The following BMPER variants were observed in gnomAD, a reference collection of about 807,000 sequenced individuals.
BMPER encodes BMP binding endothelial regulator, also known as BMP-binding endothelial regulator protein.
BMPER carries 45 observed loss-of-function variants against 87.3 expected under a neutral mutation model. The ratio of observed to expected loss-of-function variants is 0.52; its 90% confidence interval spans 0.41 to 0.66. The LOEUF (loss-of-function observed/expected upper bound fraction) is 0.66, where lower values mean the gene tolerates loss of function less well. Ranked by LOEUF, BMPER falls within the 30% of genes least tolerant of loss-of-function variation. The pLI, the probability that BMPER is intolerant of heterozygous loss-of-function variation, is 0.00. For synonymous variants in BMPER, 326 were observed against 316.2 expected (o/e 1.03, Z -0.33); for missense variants, 784 against 867.5 (o/e 0.90, Z 1.21).
At chr7:34,098,725 A>C (rs1789600194) in intron 13 of BMPER, among the ~76,000 whole-genome samples, 1 of 152,166 alleles carries the variant, frequency 6.6e-6, no homozygotes, top group Non-Finnish European at 1.5e-5. Context: ...CCATATGAAG[A>C]GGAAACCAGG....
chr7:34,129,615 AG>A (rs1790510412), intron 13 of BMPER, among the ~76,000 whole-genome samples: 6 of 95,698 alleles, frequency 6.3e-5, no homozygotes, highest in South Asian at 3.9e-4. Context: ...AGAGAAAGAG[AG>A]AGAGAGAGAA....
chr7:33,964,800 T>TC lies in BMPER; in HGVS notation c.320-1678dup, dbSNP rs547367206. On this transcript the variant is annotated intron_variant, in intron 3 of 14. Transcript: ENST00000649409. ...CTATTAGCAGCAAAAAATCACCCTT[T>TC]CTTTCAGTTTTTTAATTCAGATAAT... is the stretch of plus-strand genomic sequence containing the variant. Among the ~76,000 whole-genome samples the TC allele has an allele frequency of 7.2e-5, 11 of 152,302 alleles. No homozygotes were observed. The East Asian group carries it at 2.1e-3, about 29-fold the overall frequency.
At chr7:34,087,316 T>G (rs1348573679) in intron 13 of BMPER, among the ~76,000 whole-genome samples, 2 of 152,184 alleles carry the variant, frequency 1.3e-5, no homozygotes, top group Non-Finnish European at 2.9e-5. Flanking sequence ...TGAGGGATCT[T>G]AACGTGAGAC....
chr7:34,127,634 C>T (rs1056839053), intron 13 of BMPER, among the ~76,000 whole-genome samples: 3 of 152,182 alleles, frequency 2.0e-5, no homozygotes, highest in Non-Finnish European at 4.4e-5. Flanking sequence ...TTTCTACTAC[C>T]GGCTTCTTCT....
At position 34,062,023 on chromosome 7, in the gene BMPER, G is replaced by A. The variant is rs1434938264; in HGVS notation, c.1054G>A (p.Gly352Arg). The A allele has an allele frequency of 5.0e-6, 8 of 1,609,112 alleles. No homozygotes were observed. Among genetic ancestry groups the A allele is most frequent in the Admixed American group, 1.7e-5 (1 of 59,782 alleles). ...TTAGGGCAAAATTCTCAACAGAAAA[G>A]GATGCTGTCCTATTTGCACTGAAAG... ...CPQGKILNRK[G>R]CCPICTEKPG... The change falls in exon 11 of 15, where the codon GGA (glycine) becomes AGA (arginine). Residue 352 changes from glycine (G) to arginine (R), a missense_variant. Transcript: ENST00000649409.
At chr7:34,012,555 CA>C (rs1450674250) in intron 6 of BMPER, among the ~76,000 whole-genome samples, 3 of 151,892 alleles carry the variant, frequency 2.0e-5, no homozygotes, top group Non-Finnish European at 4.4e-5. Context: ...CACATACACA[CA>C]GAAAACCAGA....
At chr7:33,994,151 G>T (rs1270021357) in intron 6 of BMPER, among the ~76,000 whole-genome samples, 2 of 152,206 alleles carry the variant, frequency 1.3e-5, no homozygotes, top group East Asian at 1.9e-4. Flanking sequence ...GCTCCACCCA[G>T]TTCGAGCTTC....
intron 14 of BMPER, among the ~76,000 whole-genome samples, chr7:34,149,354 A>G (rs1270547088): frequency 6.6e-6 from 1 of 152,204 alleles, no homozygotes; most frequent in Non-Finnish European, 1.5e-5. Context: ...TAAGCAAATA[A>G]CTATAACGTT....
At chr7:33,985,957 T>A (rs9886278) in intron 6 of BMPER, among the ~76,000 whole-genome samples, 19,319 of 152,148 alleles carry the variant, frequency 0.13, 1,686 homozygotes, top group Admixed American at 0.23. Flanking sequence ...TCTTCCAATC[T>A]TTACCCCTCA....
intron 7 of BMPER, among the ~76,000 whole-genome samples, chr7:34,050,639 G>A (rs187866085): frequency 7.1e-4 from 108 of 152,282 alleles, no homozygotes; most frequent in Non-Finnish European, 8.4e-4. Flanking sequence ...AGAAGAAAGA[G>A]TGGTACGAAT....
At position 34,051,854 on chromosome 7, in the gene BMPER, T is replaced by C; in HGVS notation, c.677-7T>C. On this transcript the variant is annotated splice_region_variant and splice_polypyrimidine_tract_variant and intron_variant, in intron 7 of 14. Coordinates refer to ENST00000649409, the MANE Select transcript of BMPER (RefSeq NM_001365308.1). ...CTTACTTACACTGTGCTTCTGTTTCTCTCTAGGTCAGAGGAAAGTGTTTGA... is the reference window on the plus strand; with the variant it reads ...CTTACTTACACTGTGCTTCTGTTTCCCTCTAGGTCAGAGGAAAGTGTTTGA... The C allele has an allele frequency of 3.1e-6, 5 of 1,606,668 alleles. No individual in the cohort carries two copies. Among genetic ancestry groups the C allele is most frequent in the Non-Finnish European group, 4.3e-6 (5 of 1,173,214 alleles).
chr7:33,958,472 C>A (rs1785198354), intron 3 of BMPER, among the ~76,000 whole-genome samples: 1 of 152,182 alleles, frequency 6.6e-6, no homozygotes, highest in Non-Finnish European at 1.5e-5. Flanking sequence ...TCTTACCACT[C>A]CAGCCACAAA....
chr7:34,134,272 A>G (rs1489506756), intron 13 of BMPER, among the ~76,000 whole-genome samples: 1 of 152,162 alleles, frequency 6.6e-6, no homozygotes, highest in Non-Finnish European at 1.5e-5. Context: ...CACCATTTTT[A>G]TGTTCTTTTT....
intron 10 of BMPER, among the ~76,000 whole-genome samples, chr7:34,058,721 G>A (rs1054775267): frequency 2.6e-5 from 4 of 152,176 alleles, no homozygotes; most frequent in Non-Finnish European, 4.4e-5. Context: ...CCAGCACACT[G>A]AATAAAGCAA....
chr7:34,044,222 A>G (rs1406609883), intron 6 of BMPER, among the ~76,000 whole-genome samples: 1 of 152,228 alleles, frequency 6.6e-6, no homozygotes, highest in Non-Finnish European at 1.5e-5. Context: ...CCTTATTGTA[A>G]GGAAAATTAC....
intron 6 of BMPER, among the ~76,000 whole-genome samples, chr7:33,985,170 T>A (rs1287563104): frequency 6.6e-6 from 1 of 152,236 alleles, no homozygotes; most frequent in Non-Finnish European, 1.5e-5. Flanking sequence ...AAAGCCTAGA[T>A]ATATTGAGAA....
rs146364238 is a variant in BMPER at position 34,087,210 on chromosome 7, C to T, written c.1745+1118C>T. 9.5e-3 allele frequency among the ~76,000 whole-genome samples: 1,454 copies of T among 152,266 alleles called. 104 individuals are homozygous for T. Among genetic ancestry groups the T allele is most frequent in the Admixed American group, 0.09 (1,373 of 15,300 alleles). On this transcript the variant is annotated intron_variant, in intron 13 of 14. Coordinates refer to ENST00000649409, the MANE Select transcript of BMPER (RefSeq NM_001365308.1). ...TTGGCTCCGAGTCATGGGTTTAGCT[C>T]CTTCAAGCCATTTTCCTGTTATAAC... is the stretch of plus-strand genomic sequence containing the variant.
chr7:33,920,420 G>GTTTTTTTT (rs58577259), intron 2 of BMPER, among the ~76,000 whole-genome samples: 28 of 86,396 alleles, frequency 3.2e-4, no homozygotes, highest in East Asian at 7.9e-4. Context: ...ACTCCGTTGT[G>GTTTTTTTT]TTTTTTTTTT....
chr7:34,143,643 A>T lies in BMPER; in HGVS notation c.1876+283A>T, dbSNP rs75562608. On this transcript the variant is annotated intron_variant, in intron 14 of 14. Transcript: ENST00000649409. ...CTTGACCTCAAACTACCAGCTGGAT[A>T]TACTTAGCTCATGGGCGGTTATAGC... is the stretch of plus-strand genomic sequence containing the variant. Among the ~76,000 whole-genome samples the T allele has an allele frequency of 1.1e-4, 17 of 152,354 alleles. 1 individual carries two copies. In the East Asian group the frequency reaches 1.3e-3, roughly 12 times the overall value.
Sources: gnomAD v4.1 joint callset for allele counts (sites outside exome capture counted in the v4.1 genomes callset) on GRCh38, gnomAD v4.1.1 for gene constraint, MANE v1.5 for transcripts, NCBI Gene and HGNC (gene_info 2026-07-23, HGNC 2026-07-21) for gene names.